Variants in ATP8A2 observed in about 807,000 individuals in gnomAD.
The protein encoded by ATP8A2 is phospholipid-transporting ATPase IB.
A neutral mutation model predicts 165.6 loss-of-function variants in ATP8A2; 100 were observed. The observed-to-expected ratio is 0.60, with a 90% CI of 0.51 to 0.71. The LOEUF is 0.71. Among genes scored for constraint, ATP8A2 ranks in the 30% least tolerant of loss-of-function variants. ATP8A2 has a pLI of 0.00. For synonymous variants in ATP8A2, 543 were observed against 548.8 expected (o/e 0.99, Z 0.15); for missense variants, 1,227 against 1,479.5 (o/e 0.83, Z 2.80).
intron 35 of ATP8A2, among the ~76,000 whole-genome samples, chr13:26,003,754 A>G (rs1956682140): frequency 6.6e-6 from 1 of 152,116 alleles, no homozygotes; most frequent in Non-Finnish European, 1.5e-5. Context: ...CCAGTTTGCC[A>G]CCACCATTTA....
chr13:25,736,684 G>A (rs756989216), intron 25 of ATP8A2, among the ~76,000 whole-genome samples: 5 of 152,182 alleles, frequency 3.3e-5, no homozygotes, highest in Non-Finnish European at 7.4e-5. Flanking sequence ...ATGAATGAAT[G>A]TGGCTCTGTT....
rs531910097 is a variant in ATP8A2 at position 25,599,519 on chromosome 13, C to T, written c.2211+9820C>T. ...ATCTTGTATACTAGTTACTTTACCA[C>T]GCCTAGAGGCAAAATGTAAGTAATC... On this transcript the variant is annotated intron_variant, in intron 24 of 36. Transcript: ENST00000381655. 3.9e-5 allele frequency among the ~76,000 whole-genome samples: 6 copies of T among 152,334 alleles called. No individual in the cohort carries two copies. The East Asian group carries it at 5.8e-4, about 15-fold the overall frequency.
intron 1 of ATP8A2, among the ~76,000 whole-genome samples, chr13:25,408,456 C>G (rs1333965648): frequency 6.6e-6 from 1 of 151,904 alleles, no homozygotes; most frequent in Non-Finnish European, 1.5e-5. Context: ...TTCCCACAGA[C>G]AGGATGGTGA....
chr13:25,813,038 G>A (rs1950917365), intron 27 of ATP8A2, among the ~76,000 whole-genome samples: 1 of 152,036 alleles, frequency 6.6e-6, no homozygotes, highest in Non-Finnish European at 1.5e-5. Context: ...CACAGGGAGG[G>A]GAACACCACA....
rs998045200 is a variant in ATP8A2, at chr13:25,750,165, G to A, written c.2385-18881G>A. ...CTAAAGCCACAGTAAGGAGAACTTC[G>A]GTGAAGTCCTCCCTGAAGGGTCACT... On this transcript the variant is annotated intron_variant, in intron 25 of 36. Transcript: ENST00000381655. The surrounding 1 kb of genome is among the most constrained non-coding windows in gnomAD (Gnocchi z 4.3). Among the ~76,000 whole-genome samples, 11 of 152,082 alleles carry A rather than the reference G, an allele frequency of 7.2e-5. No homozygotes were observed. The highest frequency in any genetic ancestry group is 1.5e-4 in the Non-Finnish European group (10 of 68,020).
chr13:25,458,980 C>A (rs996188394), intron 1 of ATP8A2, among the ~76,000 whole-genome samples: 1 of 152,136 alleles, frequency 6.6e-6, no homozygotes, highest in Non-Finnish European at 1.5e-5. Context: ...AACACAGATG[C>A]CCTTTGACAA....
chr13:25,514,401 A>G (rs1233500014), intron 2 of ATP8A2, among the ~76,000 whole-genome samples: 6 of 152,116 alleles, frequency 3.9e-5, no homozygotes, highest in Admixed American at 3.3e-4. Context: ...CTTTCTACAC[A>G]TATTTGGTAA....
Position 25,577,109 on chromosome 13 carries a change from G to C in ATP8A2, c.1753G>C (p.Gly585Arg), listed in dbSNP as rs1192050409. ...GTCTGTAATTGTTCGAACTCCTTCA[G>C]GACGACTTCGGCTTTACTGTAAAGG... The part of the protein sequence containing the change: ...RMSVIVRTPS[G>R]RLRLYCKGAD... The change falls in exon 20 of 37, where the codon GGA becomes CGA. Residue 585 changes from glycine (G) to arginine (R), a missense_variant. Coordinates refer to ENST00000381655, the MANE Select transcript of ATP8A2 (RefSeq NM_016529.6). 1 of 1,613,852 alleles carries C rather than the reference G, an allele frequency of 6.2e-7. No individual in the cohort carries two copies. Among genetic ancestry groups the C allele is most frequent in the African/African-American group, 1.3e-5 (1 of 74,880 alleles).
chr13:25,835,499 A>G (rs534024024), intron 28 of ATP8A2, among the ~76,000 whole-genome samples: 2 of 152,180 alleles, frequency 1.3e-5, no homozygotes, highest in African/African-American at 4.8e-5. Context: ...TGAGTTCAGA[A>G]TTCTCGTACA....
Position 25,783,279 on chromosome 13 carries a change from G to T in ATP8A2, c.2679+8320G>T, listed in dbSNP as rs76035777. Among the ~76,000 whole-genome samples, 650 of 152,278 alleles carry T rather than the reference G, an allele frequency of 4.3e-3. 5 individuals are homozygous for T. Among genetic ancestry groups the T allele is most frequent in the African/African-American group, 0.014 (591 of 41,544 alleles). ...ATTACCTGGGTGGTCCCTATCTTGT[G>T]CTGACAATTGTTGAGTAATAACTGC... On this transcript the variant is annotated intron_variant, in intron 27 of 36. Coordinates refer to ENST00000381655, the MANE Select transcript of ATP8A2 (RefSeq NM_016529.6).
chr13:25,385,064 G>C (rs1324485008), intron 1 of ATP8A2, among the ~76,000 whole-genome samples: 1 of 152,184 alleles, frequency 6.6e-6, no homozygotes, highest in Non-Finnish European at 1.5e-5. Flanking sequence ...AAGGGCTTTA[G>C]TTAGTCTTTT....
At position 25,804,192 on chromosome 13, in the gene ATP8A2, T is replaced by G. The variant is rs539521927; in HGVS notation, c.2680-23926T>G. ...TGTATAAAATGCTTGTCTTAATTAATAGTCATTTTCTGCTGGGGGTGGGGT... is the reference window on the plus strand; with the variant it reads ...TGTATAAAATGCTTGTCTTAATTAAGAGTCATTTTCTGCTGGGGGTGGGGT... On this transcript the variant is annotated intron_variant, in intron 27 of 36. Coordinates refer to ENST00000381655, the MANE Select transcript of ATP8A2 (RefSeq NM_016529.6). Among the ~76,000 whole-genome samples the G allele has an allele frequency of 2.0e-5, 3 of 152,306 alleles. No homozygotes were observed. The East Asian group carries it at 5.8e-4, about 29-fold the overall frequency.
At chr13:25,637,697 C>A (rs994330572) in intron 24 of ATP8A2, among the ~76,000 whole-genome samples, 5 of 152,174 alleles carry the variant, frequency 3.3e-5, no homozygotes, top group Non-Finnish European at 5.9e-5. Context: ...CATAGCCAAA[C>A]AAAAGGCAGC....
chr13:25,530,387 T>A (rs540880781), intron 3 of ATP8A2, among the ~76,000 whole-genome samples, 175 bp from the exon 4 acceptor site: 5 of 152,332 alleles, frequency 3.3e-5, no homozygotes, highest in African/African-American at 1.2e-4. Flanking sequence ...TTGGATAAAA[T>A]TTTTAAAAAT....
intron 27 of ATP8A2, among the ~76,000 whole-genome samples, chr13:25,800,019 G>T (rs1028990053): frequency 6.6e-6 from 1 of 152,132 alleles, no homozygotes; most frequent in African/African-American, 2.4e-5. Context: ...CACATTTATT[G>T]GGCCTTTTAA....
chr13:25,825,350 G>A (rs1045158362), intron 27 of ATP8A2, among the ~76,000 whole-genome samples: 1 of 150,734 alleles, frequency 6.6e-6, no homozygotes, highest in Non-Finnish European at 1.5e-5. Flanking sequence ...GTAGAGATGG[G>A]GTCTCACTAT....
intron 1 of ATP8A2, chr13:25,468,762 G>C (rs918132753): frequency 1.1e-6 from 1 of 903,664 alleles, no homozygotes; most frequent in East Asian, 1.2e-4. Flanking sequence ...CGCGCGGGGC[G>C]TGGGCGTGGG....
At chr13:25,736,789 A>G (rs7988885) in intron 25 of ATP8A2, among the ~76,000 whole-genome samples, 96,212 of 151,978 alleles carry the variant, frequency 0.63, 30,758 homozygotes, top group East Asian at 0.74. Flanking sequence ...ATCAACAGGC[A>G]GGCTCTAGTT....
chr13:25,993,267 G>A (rs972024469), intron 35 of ATP8A2, among the ~76,000 whole-genome samples: 4 of 152,204 alleles, frequency 2.6e-5, no homozygotes, highest in Admixed American at 2.0e-4. Context: ...TCGCCACACT[G>A]CTATGACAAA....
Sources: allele counts gnomAD v4.1 joint callset (sites outside exome capture counted in the v4.1 genomes callset), GRCh38; gene constraint gnomAD v4.1.1; non-coding constraint Gnocchi (gnomAD v3.1); transcripts MANE v1.5; gene names NCBI Gene and HGNC (gene_info 2026-07-23, HGNC 2026-07-21).